Variants in YTHDC2 observed in about 807,000 individuals in gnomAD.
YTHDC2 encodes YTH N6-methyladenosine RNA binding protein C2.
YTHDC2 carries 45 observed loss-of-function variants against 174.9 expected under a neutral mutation model. The observed-to-expected ratio is 0.26, with a 90% CI of 0.20 to 0.33. The LOEUF (loss-of-function observed/expected upper bound fraction) is 0.33, where lower values mean the gene tolerates loss of function less well. YTHDC2 is among the 10% of genes least tolerant of loss of function. The pLI, the probability that YTHDC2 is intolerant of heterozygous loss-of-function variation, is 1.00. For missense variants in YTHDC2, 1,650 were observed against 1,723.7 expected, an observed-to-expected ratio of 0.96 and a Z score of 0.76; for synonymous variants, 657 against 574.5, an observed-to-expected ratio of 1.14 and a Z score of -2.05.
intron 17 of YTHDC2, among the ~76,000 whole-genome samples, chr5:113,557,444 A>G: frequency 6.6e-6 from 1 of 152,192 alleles, no homozygotes; most frequent in East Asian, 1.9e-4. Flanking sequence ...TTGTTTTCTT[A>G]TGACCAATAG....
chr5:113,552,213 A>C (rs1374767505), intron 12 of YTHDC2, among the ~76,000 whole-genome samples: 1 of 152,162 alleles, frequency 6.6e-6, no homozygotes, highest in African/African-American at 2.4e-5. Flanking sequence ...TCACCCATTT[A>C]GGTGACCAAT....
chr5:113,532,884 T>C lies in YTHDC2; in HGVS notation c.681T>C (p.Pro227=). 4 of 1,608,500 alleles carry C rather than the reference T, an allele frequency of 2.5e-6. No homozygotes were observed. The highest frequency in any genetic ancestry group is 2.2e-5 in the East Asian group (1 of 44,764). The part of the protein sequence containing the change: ...ETGSGKTTQI[P]QFLLDDCFKN... ...TTTTAAAACTTTTGTTTCAGATTCC[T>C]CAGTTCCTTTTAGATGATTGCTTTA... The change falls in exon 5 of 30, where the codon CCT becomes CCC. Residue 227 remains proline (P), a synonymous_variant. Transcript: ENST00000161863.
intron 7 of YTHDC2, among the ~76,000 whole-genome samples, 178 bp downstream of exon 7, chr5:113,535,976 C>T (rs1312305487): frequency 6.6e-6 from 1 of 152,176 alleles, no homozygotes; most frequent in Non-Finnish European, 1.5e-5. Context: ...CTATCAACAG[C>T]TCTTTGGTAT....
intron 7 of YTHDC2, among the ~76,000 whole-genome samples, chr5:113,537,316 T>C (rs1775148669): frequency 1.3e-5 from 2 of 151,806 alleles, no homozygotes; most frequent in African/African-American, 4.8e-5. Flanking sequence ...TAGGCAAAAA[T>C]CTTACTTAAC....
At chr5:113,590,167 T>C (rs1778930276) in intron 26 of YTHDC2, among the ~76,000 whole-genome samples, 1 of 152,210 alleles carries the variant, frequency 6.6e-6, no homozygotes, top group African/African-American at 2.4e-5. Flanking sequence ...TATAATTTTG[T>C]TGGGCAGCTA....
rs140348810 is a variant in YTHDC2, at chr5:113,580,473, C to G, written c.3354+778C>G. Among the ~76,000 whole-genome samples the G allele has an allele frequency of 2.8e-3, 422 of 152,188 alleles. 2 individuals carry two copies. Among genetic ancestry groups the G allele is most frequent in the African/African-American group, 9.7e-3 (401 of 41,530 alleles). On this transcript the variant is annotated intron_variant, in intron 24 of 29. Transcript: ENST00000161863. ...AAATTACAAATTTTCATGACAAAGC[C>G]TCCCCTTGATTCTATCTCTACTGTC...
At chr5:113,587,801 T>A (rs1257415682) in intron 26 of YTHDC2, among the ~76,000 whole-genome samples, 1 of 151,402 alleles carries the variant, frequency 6.6e-6, no homozygotes. Context: ...GCAGAAAAAT[T>A]TTTTGGTATT....
At position 113,513,978 on chromosome 5, in the gene YTHDC2, G is replaced by A; in HGVS notation, c.83G>A (p.Gly28Glu). ...GGCGGCCCCTCGCCTTGTGGCCCTG[G>A]GGGCGGCGGCCGGGCCAAGGGGCTG... ...GGGGPSPCGP[G>E]GGGRAKGLKD... Residue 28 changes from glycine to glutamate, a missense_variant, in exon 1 of 30, where the codon GGG becomes GAG. Physicochemically the swap from Gly to Glu is moderately conservative, Grantham distance 98 (BLOSUM62 -2). Coordinates refer to ENST00000161863, the MANE Select transcript of YTHDC2 (RefSeq NM_022828.5). 5 of 1,603,462 alleles carry A rather than the reference G, an allele frequency of 3.1e-6. No individual in the cohort carries two copies. The South Asian group carries it at 3.3e-5, about 11-fold the overall frequency.
rs1433459966 is a variant in YTHDC2 at position 113,561,361 on chromosome 5, AT to A, written c.2322+178del. ...TATTTTTTCTATATAAGAAAATTTA[AT>A]TCATAAACCATCAAAATTTTAAAGA... is the stretch of plus-strand genomic sequence containing the variant. On this transcript the variant is annotated intron_variant, in intron 18 of 29. Coordinates refer to ENST00000161863, the MANE Select transcript of YTHDC2 (RefSeq NM_022828.5). 1.3e-4 allele frequency among the ~76,000 whole-genome samples: 19 copies of A among 151,518 alleles called. No individual in the cohort carries two copies. The East Asian group carries it at 3.7e-3, about 29-fold the overall frequency.
At chr5:113,517,736 G>A (rs1773560156) in intron 2 of YTHDC2, 1 of 303,258 alleles carries the variant, frequency 3.3e-6, no homozygotes, top group Non-Finnish European at 6.7e-6. Flanking sequence ...TATTTTCTTA[G>A]TGGTCCTTGT....
At position 113,564,100 on chromosome 5, in the gene YTHDC2, G is replaced by C. The variant is rs752956764; in HGVS notation, c.2684G>C (p.Ser895Thr). ...AAACGTTTTACTGCAGGAGCTTTCA[G>C]TGACCATATGGCACTTCTCAGAGCA... ...CRKRFTAGAFSDHMALLRAFQ... is the reference protein window; with the variant it reads ...CRKRFTAGAFTDHMALLRAFQ... The change falls in exon 20 of 30, where the codon AGT becomes ACT. Residue 895 changes from serine to threonine, a missense_variant. Transcript: ENST00000161863. 9 of 1,613,982 alleles carry C rather than the reference G, an allele frequency of 5.6e-6. No individual in the cohort carries two copies. The highest frequency in any genetic ancestry group is 7.6e-6 in the Non-Finnish European group (9 of 1,180,026).
Position 113,567,690 on chromosome 5 carries a change from G to A in YTHDC2, c.3085G>A (p.Ala1029Thr), listed in dbSNP as rs781536933. Residue 1029 changes from alanine to threonine, a missense_variant, in exon 23 of 30, where the codon GCA (alanine) becomes ACA (threonine). Coordinates refer to ENST00000161863, the MANE Select transcript of YTHDC2 (RefSeq NM_022828.5). Reference sequence around the variant, plus strand: ...CAATGGTCAAGCTGCAGCAATTAAGGCACTGCCCACAGATTGGCTTATTTA... The same window carrying A: ...CAATGGTCAAGCTGCAGCAATTAAGACACTGCCCACAGATTGGCTTATTTA... The part of the protein sequence containing the change: ...PANGQAAAIK[A>T]LPTDWLIYDE... 44 of 1,605,126 alleles carry A rather than the reference G, an allele frequency of 2.7e-5. No individual in the cohort carries two copies. Among genetic ancestry groups the A allele is most frequent in the Non-Finnish European group, 3.7e-5 (43 of 1,176,646 alleles).
At position 113,561,064 on chromosome 5, in the gene YTHDC2, G is replaced by T. The variant is rs957413717; in HGVS notation, c.2217-16G>T. The T allele has an allele frequency of 1.3e-6, 2 of 1,590,428 alleles. No homozygotes were observed. Among genetic ancestry groups the T allele is most frequent in the Non-Finnish European group, 1.7e-6 (2 of 1,167,162 alleles). On this transcript the variant is annotated splice_polypyrimidine_tract_variant and intron_variant, in intron 17 of 29. Transcript: ENST00000161863. ...TATTCGTTGTTTGAGTCCTAATCTT[G>T]TACTTTATTTTTAAGGGCAGGGCGA...
chr5:113,533,093 A>C (rs771161671), intron 5 of YTHDC2, 48 bp downstream of exon 5: 5 of 1,592,956 alleles, frequency 3.1e-6, no homozygotes, highest in Non-Finnish European at 4.3e-6. Context: ...CTTAAAAAAG[A>C]CTATGTATAT....
chr5:113,522,976 GT>G lies in YTHDC2; in HGVS notation c.279-1997del, dbSNP rs111569977. ...AGTAGTCCCACCTGCTTATTATGAG[GT>G]TTTTTTTAATACCTAAATGCTATAT... On this transcript the variant is annotated intron_variant, in intron 2 of 29. Transcript: ENST00000161863. Among the ~76,000 whole-genome samples, 158 of 151,814 alleles carry G rather than the reference GT, an allele frequency of 1.0e-3. 4 individuals carry two copies. The highest frequency in any genetic ancestry group is 3.4e-3 in the African/African-American group (142 of 41,410).
intron 22 of YTHDC2, 68 bp downstream of exon 22, chr5:113,567,365 A>T (rs1413825344): frequency 1.7e-6 from 2 of 1,188,288 alleles, no homozygotes; most frequent in Non-Finnish European, 1.1e-6. Context: ...ATCAATGAAA[A>T]ATGCTCCAAA....
chr5:113,582,779 T>G (rs1319274440), intron 25 of YTHDC2: 2 of 152,144 alleles, frequency 1.3e-5, no homozygotes, highest in African/African-American at 4.8e-5. Context: ...TTAATATCAT[T>G]TAAGCCTTTA....
chr5:113,581,231 G>C (rs1778385759), intron 24 of YTHDC2, 186 bp from the exon 25 acceptor site: 2 of 490,698 alleles, frequency 4.1e-6, no homozygotes, highest in South Asian at 1.1e-4. Flanking sequence ...TTGTGTCTTA[G>C]TGCCTAAAAT....
rs187142851 is a variant in YTHDC2, at chr5:113,574,734, G to T, written c.3245-4852G>T. Among the ~76,000 whole-genome samples the T allele has an allele frequency of 2.6e-5, 4 of 152,290 alleles. No homozygotes were observed. In the East Asian group the frequency reaches 7.7e-4, roughly 29 times the overall value. Reference sequence around the variant, plus strand: ...GATGCTGCTTGGCTTCCTGGATTCAGCCCCCTTCCTAGGGATATGTACAAA... The same window carrying T: ...GATGCTGCTTGGCTTCCTGGATTCATCCCCCTTCCTAGGGATATGTACAAA... On this transcript the variant is annotated intron_variant, in intron 23 of 29. Coordinates refer to ENST00000161863, the MANE Select transcript of YTHDC2 (RefSeq NM_022828.5).
Sources: allele counts gnomAD v4.1 joint callset (sites outside exome capture counted in the v4.1 genomes callset), GRCh38; gene constraint gnomAD v4.1.1; transcripts MANE v1.5; gene names NCBI Gene and HGNC (gene_info 2026-07-23, HGNC 2026-07-21).